TOM1L2: variants seen among roughly 807,000 people sequenced by gnomAD.
TOM1L2 encodes the protein TOM1-like protein 2.
In TOM1L2, 31 loss-of-function variants were observed where a neutral mutation model predicts 67.9. The observed-to-expected ratio is 0.46, with a 90% confidence interval of 0.34 to 0.62. TOM1L2 has a LOEUF of 0.62. Ranked by LOEUF, TOM1L2 falls within the 20% of genes least tolerant of loss-of-function variation. The pLI is 0.01. For missense variants in TOM1L2, 606 were observed against 663.5 expected (o/e 0.91, Z 0.95); for synonymous variants, 256 against 254.0 (o/e 1.01, Z -0.07).
At chr17:17,932,106 G>C (rs1422115655) in intron 1 of TOM1L2, among the ~76,000 whole-genome samples, 1 of 152,122 alleles carries the variant, frequency 6.6e-6, no homozygotes, top group Non-Finnish European at 1.5e-5. Flanking sequence ...GTACTTACCA[G>C]CTATATGTCT....
At chr17:17,909,431 C>T (rs1021990592) in intron 1 of TOM1L2, among the ~76,000 whole-genome samples, 2 of 151,968 alleles carry the variant, frequency 1.3e-5, no homozygotes, top group African/African-American at 4.8e-5. Context: ...GGAAGGAAAT[C>T]CTATTGCATG....
intron 1 of TOM1L2, among the ~76,000 whole-genome samples, chr17:17,970,413 T>A (rs886956976): frequency 2.6e-5 from 4 of 152,156 alleles, no homozygotes; most frequent in African/African-American, 9.7e-5. Context: ...TTTACTACCT[T>A]GTCATTTTAA....
intron 7 of TOM1L2, among the ~76,000 whole-genome samples, chr17:17,874,083 G>A (rs1365155549): frequency 4.0e-5 from 6 of 151,622 alleles, no homozygotes; most frequent in Admixed American, 3.9e-4. Context: ...AGCCTTCCGA[G>A]TAGCTGGGAT....
intron 1 of TOM1L2, among the ~76,000 whole-genome samples, chr17:17,917,450 C>CTTTTTTTTT (rs71155307): frequency 2.8e-5 from 1 of 36,348 alleles, no homozygotes; most frequent in Non-Finnish European, 5.0e-5. Flanking sequence ...TACCATTGGT[C>CTTTTTTTTT]TTTTTTTTTT....
intron 2 of TOM1L2, among the ~76,000 whole-genome samples, chr17:17,901,298 A>G (rs1374289384): frequency 1.3e-5 from 2 of 152,234 alleles, no homozygotes; most frequent in Non-Finnish European, 2.9e-5. Context: ...AGACAGAAGC[A>G]TGTGTCAAGA....
In TOM1L2 at chr17:17,879,642, A is replaced by G. The variant is rs754685754; in HGVS notation, c.762T>C (p.Asp254=). 1 of 1,614,042 alleles carries G rather than the reference A, an allele frequency of 6.2e-7. No homozygotes were observed. Among genetic ancestry groups the G allele is most frequent in the South Asian group, 1.1e-5 (1 of 91,076 alleles). ...EMVPGQEDSS[D]LELLQELNRT... is the part of the protein sequence containing the mutation. ...GATGACTCACCTGCAGCAACTCCAG[A>G]TCAGATGAATCCTCCTGTCCAGGGA... The change falls in exon 7 of 15, where the codon GAT becomes GAC. Residue 254 remains aspartate (D), a synonymous_variant. Transcript: ENST00000379504.
intron 4 of TOM1L2, among the ~76,000 whole-genome samples, chr17:17,885,450 A>C (rs939398368): frequency 6.6e-6 from 1 of 152,182 alleles, no homozygotes; most frequent in Non-Finnish European, 1.5e-5. Context: ...CTTTTCCCAG[A>C]CCCAAGCTTC....
intron 1 of TOM1L2, among the ~76,000 whole-genome samples, chr17:17,925,940 G>T (rs903204809): frequency 6.6e-6 from 1 of 151,778 alleles, no homozygotes; most frequent in African/African-American, 2.4e-5. Flanking sequence ...GAAGGCCAAG[G>T]CAGGAAGTCC....
chr17:17,946,338 T>G (rs763303387), intron 1 of TOM1L2, among the ~76,000 whole-genome samples: 1 of 152,130 alleles, frequency 6.6e-6, no homozygotes, highest in Non-Finnish European at 1.5e-5. Flanking sequence ...ATCCTAAAAA[T>G]AAATCCTGTA....
chr17:17,956,740 AG>A (rs1305063489), intron 1 of TOM1L2, among the ~76,000 whole-genome samples: 14 of 152,176 alleles, frequency 9.2e-5, no homozygotes, highest in Admixed American at 2.0e-4. Flanking sequence ...CTGGATGCTA[AG>A]CCCCTCACTG....
intron 1 of TOM1L2, among the ~76,000 whole-genome samples, chr17:17,956,749 C>G (rs1430721109): frequency 1.3e-5 from 2 of 152,238 alleles, no homozygotes; most frequent in Non-Finnish European, 2.9e-5. Flanking sequence ...AAGCCCCTCA[C>G]TGCCCGGGGC....
In TOM1L2 at chr17:17,884,651, T is replaced by C; in HGVS notation, c.484A>G (p.Ile162Val). The C allele has an allele frequency of 5.6e-6, 9 of 1,614,102 alleles. No individual in the cohort carries two copies. The highest frequency in any genetic ancestry group is 2.2e-5 in the East Asian group (1 of 44,886). The change falls in exon 5 of 15, where the codon ATA (isoleucine) becomes GTA (valine). Residue 162 changes from isoleucine to valine, a missense_variant. Physicochemically the swap from Ile to Val is conservative, Grantham distance 29. Coordinates refer to ENST00000379504, the MANE Select transcript of TOM1L2 (RefSeq NM_001082968.2). Reference sequence around the variant, plus strand: ...AAGCTTACCCGCTGTGGTGTGTGTATGGGAGACAGAGCGTCCAAGTCTGCC... The same window carrying C: ...AAGCTTACCCGCTGTGGTGTGTGTACGGGAGACAGAGCGTCCAAGTCTGCC... ...PMADLDALSPIHTPQRSVPEV... is the reference protein window; with the variant it reads ...PMADLDALSPVHTPQRSVPEV...
chr17:17,915,058 G>T (rs1053677571), intron 1 of TOM1L2, among the ~76,000 whole-genome samples: 4 of 152,144 alleles, frequency 2.6e-5, no homozygotes, highest in African/African-American at 9.7e-5. Flanking sequence ...TAAAAAACAA[G>T]TGTCACTTCA....
At chr17:17,924,465 A>C (rs1479864577) in intron 1 of TOM1L2, among the ~76,000 whole-genome samples, 1 of 152,196 alleles carries the variant, frequency 6.6e-6, no homozygotes, top group Non-Finnish European at 1.5e-5. Context: ...CTGTTGAAAA[A>C]TGGGAGAAAA....
intron 1 of TOM1L2, among the ~76,000 whole-genome samples, chr17:17,944,324 C>CT (rs1421484517): frequency 1.3e-5 from 2 of 152,240 alleles, no homozygotes; most frequent in Admixed American, 1.3e-4. Context: ...CTGAGGCAGC[C>CT]TTGCTGCGGT....
intron 1 of TOM1L2, among the ~76,000 whole-genome samples, chr17:17,965,766 G>A (rs2041851167): frequency 6.6e-6 from 1 of 152,194 alleles, no homozygotes; most frequent in Non-Finnish European, 1.5e-5. Flanking sequence ...ACTGCAAGAT[G>A]TATAAAGTGC....
At chr17:17,886,137 A>G (rs2037986830) in intron 4 of TOM1L2, among the ~76,000 whole-genome samples, 1 of 152,038 alleles carries the variant, frequency 6.6e-6, no homozygotes, top group African/African-American at 2.4e-5. Context: ...TCACTCCAGC[A>G]ATGTGGTACA....
chr17:17,866,921 G>C lies in TOM1L2; in HGVS notation c.915C>G (p.Phe305Leu). 2 of 1,613,962 alleles carry C rather than the reference G, an allele frequency of 1.2e-6. No homozygotes were observed. Among genetic ancestry groups the C allele is most frequent in the Non-Finnish European group, 1.7e-6 (2 of 1,179,904 alleles). Residue 305 changes from phenylalanine to leucine, a missense_variant, in exon 9 of 15, where the codon TTC becomes TTG. By Grantham distance (22) the Phe-to-Leu change is conservative. This residue lies in a region of TOM1L2 where 543 missense variants were observed against 554.0 expected (regional missense o/e 0.98). Coordinates refer to ENST00000379504, the MANE Select transcript of TOM1L2 (RefSeq NM_001082968.2). The part of the protein sequence containing the change: ...LNNVFLRYER[F>L]ERYRSGRSVQ... ...CGGATCGGCCAGACCTGTATCGTTC[G>C]AACCTAACAGGGGAAGGGAAAGCAG...
Position 17,893,729 on chromosome 17 carries a change from C to T in TOM1L2, c.298G>A (p.Val100Ile). Residue 100 changes from valine (V) to isoleucine (I), a missense_variant, in exon 4 of 15, where the codon GTC (valine) becomes ATC (isoleucine). Val to Ile is a conservative substitution (Grantham distance 29). Coordinates refer to ENST00000379504, the MANE Select transcript of TOM1L2 (RefSeq NM_001082968.2). ...ANRDFIDSVL[V>I]KIISPKNNPP... is the part of the protein sequence containing the mutation. ...TTGTTCTTGGGAGATATAATTTTGA[C>T]CAGAACACTGTCGATGAAATCTCGG... The T allele has an allele frequency of 1.2e-6, 2 of 1,614,052 alleles. No homozygotes were observed. The highest frequency in any genetic ancestry group is 2.2e-5 in the South Asian group (2 of 91,066).
Sources: gnomAD v4.1 joint callset for allele counts (sites outside exome capture counted in the v4.1 genomes callset) on GRCh38, gnomAD v4.1.1 for gene constraint, gnomAD v4.1.1 regional missense constraint, MANE v1.5 for transcripts, NCBI Gene and HGNC (gene_info 2026-07-23, HGNC 2026-07-21) for gene names.